Variants in SLC39A10 observed in about 807,000 individuals in gnomAD.
SLC39A10 encodes zinc transporter ZIP10.
In SLC39A10, 13 loss-of-function variants were observed where a neutral mutation model predicts 65.1. The ratio of observed to expected loss-of-function variants is 0.20; its 90% CI spans 0.13 to 0.32. The LOEUF (loss-of-function observed/expected upper bound fraction) is 0.32, where lower values mean the gene tolerates loss of function less well. Among genes scored for constraint, SLC39A10 ranks in the 10% least tolerant of loss-of-function variants. The pLI is 1.00. For missense variants in SLC39A10, 831 were observed against 1,018.4 expected (o/e 0.82, Z 2.50); for synonymous variants, 321 against 342.2 (o/e 0.94, Z 0.68).
intron 2 of SLC39A10, among the ~76,000 whole-genome samples, chr2:195,636,579 G>A (rs1018996657): frequency 5.3e-5 from 8 of 152,006 alleles, no homozygotes; most frequent in African/African-American, 1.9e-4. Flanking sequence ...GTGAAACCCA[G>A]TCTCTACTAA....
intron 1 of SLC39A10, among the ~76,000 whole-genome samples, chr2:195,675,095 A>G (rs1049669867): frequency 2.0e-5 from 3 of 152,200 alleles, no homozygotes; most frequent in Admixed American, 6.5e-5. Context: ...CTGACTGATC[A>G]AAGATACGTA....
At chr2:195,618,960 GCGGGTGCCTGTAATCCCAGCTACT>G (rs1434613143) in intron 2 of SLC39A10, among the ~76,000 whole-genome samples, 1 of 152,014 alleles carries the variant, frequency 6.6e-6, no homozygotes, top group Non-Finnish European at 1.5e-5. Context: ...TGGCATGATG[GCGGGTGCCTGTAATCCCAGCTACT>G]CGGGTGGCTG....
intron 1 of SLC39A10, chr2:195,657,714 G>A (rs988585945): frequency 3.6e-6 from 3 of 840,344 alleles, no homozygotes; most frequent in African/African-American, 3.7e-5. Flanking sequence ...TCGCAGGCGC[G>A]GGCGGGCGAG....
At chr2:195,730,965 T>C (rs1236816033) in intron 9 of SLC39A10, among the ~76,000 whole-genome samples, 6 of 152,172 alleles carry the variant, frequency 3.9e-5, no homozygotes, top group African/African-American at 1.4e-4. Flanking sequence ...TGTACCCTCA[T>C]CATTTTCATC....
At position 195,715,273 on chromosome 2, in the gene SLC39A10, A is replaced by T. The variant is rs375554529; in HGVS notation, c.1697-1364A>T. On this transcript the variant is annotated intron_variant, in intron 6 of 9. Transcript: ENST00000359634. ...CTGGGTGCGGTGGCTCACGCCTGTC[A>T]TCCCGGCACTTTGGGAGGCCAAGGT... Among the ~76,000 whole-genome samples the T allele has an allele frequency of 1.2e-4, 19 of 152,246 alleles. No individual in the cohort carries two copies. In the East Asian group the frequency reaches 2.7e-3, roughly 22 times the overall value.
At chr2:195,690,172 T>TA (rs1690675334) in intron 3 of SLC39A10, among the ~76,000 whole-genome samples, 1 of 6,966 alleles carries the variant, frequency 1.4e-4, no homozygotes, top group Admixed American at 1.8e-3. Flanking sequence ...TGAGACTCTC[T>TA]GAAAAAAAAA....
Position 195,736,119 on chromosome 2 carries a change from ACT to A in SLC39A10, c.*1080_*1081del, listed in dbSNP as rs1232930706. ...CAATTTAGAACAGTTACTAGGATAAACTCCATTATTGCCATGGCTGTCATGGT... is the reference window on the plus strand; with the variant it reads ...CAATTTAGAACAGTTACTAGGATAAACCATTATTGCCATGGCTGTCATGGT... On this transcript the variant is annotated 3_prime_UTR_variant, in exon 10 of 10. Coordinates refer to ENST00000359634, the MANE Select transcript of SLC39A10 (RefSeq NM_020342.3). The A allele has an allele frequency of 6.6e-6, 1 of 152,136 alleles. No individual in the cohort carries two copies. The highest frequency in any genetic ancestry group is 6.6e-5 in the Admixed American group (1 of 15,246). The allele number at this position is 152,136 out of a possible 1,614,324, so 9.4% of individuals were successfully genotyped here. A position where few individuals can be genotyped will look rare whatever the true frequency, so the allele number is the denominator to read the frequency against.
chr2:195,618,924 C>G (rs1688287060), intron 2 of SLC39A10, among the ~76,000 whole-genome samples: 1 of 151,932 alleles, frequency 6.6e-6, no homozygotes, highest in Non-Finnish European at 1.5e-5. Context: ...GAAACCCCGT[C>G]TCTACTAAAA....
chr2:195,660,119 C>T (rs542070313), intron 1 of SLC39A10, among the ~76,000 whole-genome samples: 4 of 152,246 alleles, frequency 2.6e-5, no homozygotes, highest in African/African-American at 9.6e-5. Flanking sequence ...CAGAGCTTGT[C>T]AAGCTCTTTA....
intron 1 of SLC39A10, 126 bp from the exon 2 acceptor site, chr2:195,679,906 A>G (rs35514309): frequency 3.0e-6 from 2 of 664,290 alleles, no homozygotes; most frequent in Non-Finnish European, 2.4e-6. Context: ...GGTTCTTAAC[A>G]TATTTTATCA....
intron 2 of SLC39A10, among the ~76,000 whole-genome samples, chr2:195,627,344 C>A (rs1574200516): frequency 6.6e-6 from 1 of 152,150 alleles, no homozygotes; most frequent in South Asian, 2.1e-4. Context: ...AATAATTGTC[C>A]ATTCTTCCAT....
At chr2:195,706,118 C>T (rs1691388147) in intron 3 of SLC39A10, among the ~76,000 whole-genome samples, 1 of 152,024 alleles carries the variant, frequency 6.6e-6, no homozygotes, top group African/African-American at 2.4e-5. Flanking sequence ...TTTTTGTTAT[C>T]TCATCATATG....
At chr2:195,617,348 G>A (rs1688237483) in intron 2 of SLC39A10, among the ~76,000 whole-genome samples, 1 of 151,822 alleles carries the variant, frequency 6.6e-6, no homozygotes, top group Admixed American at 6.6e-5. Flanking sequence ...AGATCACAAG[G>A]TCAGGACTTT....
intron 8 of SLC39A10, among the ~76,000 whole-genome samples, chr2:195,727,733 T>C (rs1353293940): frequency 6.6e-6 from 1 of 152,140 alleles, no homozygotes; most frequent in East Asian, 1.9e-4. Flanking sequence ...GAATTGACTT[T>C]TTTTGTGAGT....
chr2:195,648,622 G>A (rs1286691778), intron 2 of SLC39A10, among the ~76,000 whole-genome samples: 2 of 152,130 alleles, frequency 1.3e-5, no homozygotes, highest in Non-Finnish European at 2.9e-5. Context: ...AGGCTGCAGT[G>A]AGCCAAGAGA....
At chr2:195,725,944 C>T (rs916409769) in intron 8 of SLC39A10, among the ~76,000 whole-genome samples, 6 of 152,052 alleles carry the variant, frequency 3.9e-5, no homozygotes, top group African/African-American at 1.4e-4. Context: ...TGCCTAAGGG[C>T]AAGTGGCCTA....
Position 195,737,571 on chromosome 2 carries a change from T to G in SLC39A10, c.*2530T>G. 5.6e-6 allele frequency: 1 copy of G among 177,378 alleles called. No homozygotes were observed. The highest frequency in any genetic ancestry group is 1.2e-5 in the Non-Finnish European group (1 of 83,648). 11.0% of individuals were successfully genotyped at this position (177,378 alleles called of 1,614,324 possible). A position where few individuals can be genotyped will look rare whatever the true frequency, so the allele number is the denominator to read the frequency against. ...TGTTTTGTTTTAACTGAATCATTTT[T>G]TAACTTAAAAAGCTGGAAAATATCA... On this transcript the variant is annotated 3_prime_UTR_variant, in exon 10 of 10. Coordinates refer to ENST00000359634, the MANE Select transcript of SLC39A10 (RefSeq NM_020342.3).
Position 195,680,185 on chromosome 2 carries a change from C to A in SLC39A10, c.143C>A (p.Pro48Gln), listed in dbSNP as rs1690247301. 1.2e-6 allele frequency: 2 copies of A among 1,613,860 alleles called. No homozygotes were observed. The highest frequency in any genetic ancestry group is 4.5e-5 in the East Asian group (2 of 44,880). ...CATCGTGGAATGACAGAATTGGAGC[C>A]AAGCAAATTTTCAAAGCAAGCTGCT... ...RQHRGMTELE[P>Q]SKFSKQAAEN... The change falls in exon 2 of 10, where the codon CCA becomes CAA. Residue 48 changes from proline to glutamine, a missense_variant. Around this residue, in one of 4 missense-constraint regions of SLC39A10, gnomAD observed 446 missense variants for 499.2 expected, o/e 0.89. Transcript: ENST00000359634.
intron 3 of SLC39A10, among the ~76,000 whole-genome samples, chr2:195,689,749 A>G (rs1690658283): frequency 6.6e-6 from 1 of 152,128 alleles, no homozygotes; most frequent in African/African-American, 2.4e-5. Context: ...GGGACCTATC[A>G]ATCTACTGTC....
Sources: allele counts gnomAD v4.1 joint callset (sites outside exome capture counted in the v4.1 genomes callset), GRCh38; gene constraint gnomAD v4.1.1; regional missense constraint gnomAD v4.1.1; transcripts MANE v1.5; gene names NCBI Gene and HGNC (gene_info 2026-07-23, HGNC 2026-07-21).